Variants in ELFN2 observed in about 807,000 individuals in gnomAD.
The protein encoded by ELFN2 is extracellular leucine rich repeat and fibronectin type III domain containing 2.
ELFN2 carries 17 observed loss-of-function variants against 45.5 expected under a neutral mutation model. That is an observed-to-expected ratio of 0.37 (90% confidence interval 0.26 to 0.56). The LOEUF (loss-of-function observed/expected upper bound fraction) is 0.56, where lower values mean the gene tolerates loss of function less well. Ranked by LOEUF, ELFN2 falls within the 20% of genes least tolerant of loss-of-function variation. ELFN2 has a pLI of 0.77. For synonymous variants in ELFN2, 550 were observed against 551.5 expected (o/e 1.00, Z 0.04); for missense variants, 922 against 1,183.2 (o/e 0.78, Z 3.24).
intron 1 of ELFN2, chr22:37,352,090 G>A (rs1431706345): frequency 6.6e-6 from 1 of 151,078 alleles, no homozygotes; most frequent in Non-Finnish European, 1.5e-5. Context: ...CTCTGGAAGT[G>A]AAAGGTACAC....
intron 2 of ELFN2, among the ~76,000 whole-genome samples, chr22:37,386,576 A>C (rs1315179563): frequency 1.3e-5 from 2 of 152,126 alleles, no homozygotes; most frequent in Non-Finnish European, 2.9e-5. Flanking sequence ...TCTCCAGAGG[A>C]GGTGGGAGGG....
chr22:37,404,811 C>T (rs371685220), intron 2 of ELFN2, among the ~76,000 whole-genome samples: 1 of 152,320 alleles, frequency 6.6e-6, no homozygotes, highest in South Asian at 2.1e-4. Context: ...GAACCCAACA[C>T]CTCACCAGCT....
chr22:37,399,466 C>T (rs1237916260), intron 2 of ELFN2, among the ~76,000 whole-genome samples: 2 of 152,034 alleles, frequency 1.3e-5, no homozygotes, highest in East Asian at 3.9e-4. Context: ...GTTGATCAGA[C>T]CACGGAGACC....
chr22:37,375,446 T>C lies in ELFN2; in HGVS notation c.89A>G (p.Asp30Gly), dbSNP rs760497364. 1 of 1,613,058 alleles carries C rather than the reference T, an allele frequency of 6.2e-7. No homozygotes were observed. Among genetic ancestry groups the C allele is most frequent in the South Asian group, 1.1e-5 (1 of 90,898 alleles). The change falls in exon 3 of 3, where the codon GAC becomes GGC. Residue 30 changes from aspartate (D) to glycine (G), a missense_variant. Physicochemically the swap from Asp to Gly is moderately conservative, Grantham distance 94. This residue lies in a region of ELFN2 where 358 missense variants were observed against 540.4 expected (regional missense o/e 0.66). Coordinates refer to ENST00000402918, the MANE Select transcript of ELFN2 (RefSeq NM_052906.5). ...VRADCWLIEG[D>G]KGYVWLAICS... ...GATGGCCAGCCACACGTAGCCCTTG[T>C]CGCCCTCAATGAGCCAGCAGTCGGC...
At chr22:37,365,650 G>T (rs1931186311), downstream of ELFN2, among the ~76,000 whole-genome samples, 1 of 152,252 alleles carries the variant, frequency 6.6e-6, no homozygotes, top group African/African-American at 2.4e-5. Context: ...GCATGACACA[G>T]AACGTGCCAA....
In ELFN2 at chr22:37,374,185, G is replaced by C. The variant is rs1456905272; in HGVS notation, c.1350C>G (p.Gly450=). The change falls in exon 3 of 3, where the codon GGC becomes GGG. Residue 450 remains glycine (G), a synonymous_variant. Coordinates refer to ENST00000402918, the MANE Select transcript of ELFN2 (RefSeq NM_052906.5). ...GCTTCTGGGCGGCGTGCACAATGGAGCCGGCATCCACATCAGCCCCGTAGC... is the reference window on the plus strand; with the variant it reads ...GCTTCTGGGCGGCGTGCACAATGGACCCGGCATCCACATCAGCCCCGTAGC... The part of the protein sequence containing the change: ...EMRYGADVDA[G]SIVHAAQKLG... The C allele has an allele frequency of 1.2e-6, 2 of 1,613,362 alleles. No homozygotes were observed. Among genetic ancestry groups the C allele is most frequent in the Non-Finnish European group, 1.7e-6 (2 of 1,180,050 alleles).
chr22:37,341,286 T>C (rs1424444144), intron 2 of ELFN2, among the ~76,000 whole-genome samples: 1 of 152,162 alleles, frequency 6.6e-6, no homozygotes, highest in Non-Finnish European at 1.5e-5. Context: ...CCTCCCACTT[T>C]ACTGCTGTCC....
At chr22:37,396,408 A>C (rs908560909) in intron 2 of ELFN2, among the ~76,000 whole-genome samples, 3 of 152,068 alleles carry the variant, frequency 2.0e-5, no homozygotes, top group African/African-American at 7.2e-5. Context: ...GCAGAAGCCA[A>C]CTCTGTTAGC....
chr22:37,413,765 A>G (rs956914070), intron 2 of ELFN2, among the ~76,000 whole-genome samples: 4 of 152,214 alleles, frequency 2.6e-5, no homozygotes, highest in Non-Finnish European at 5.9e-5. Flanking sequence ...GCTAGCGAGC[A>G]TCTGGATTGA....
intron 1 of ELFN2, among the ~76,000 whole-genome samples, chr22:37,346,034 A>G (rs1315870998): frequency 6.6e-6 from 1 of 152,192 alleles, no homozygotes; most frequent in Non-Finnish European, 1.5e-5. Flanking sequence ...AACGCTCACT[A>G]ACCTCTCTGG....
Position 37,370,431 on chromosome 22 carries a change from G to T in ELFN2, c.*2641C>A, listed in dbSNP as rs73164599. On this transcript the variant is annotated 3_prime_UTR_variant, in exon 3 of 3. Transcript: ENST00000402918. ...GCAGTGTGACTGATCCTCCACCCCA[G>T]CTGGCCAGCCAATTCACCAGGCCCG... 0.029 allele frequency: 4,400 copies of T among 152,286 alleles called. 87 individuals carry two copies. The highest frequency in any genetic ancestry group is 0.077 in the Middle Eastern group (23 of 298). 9.4% of individuals were successfully genotyped at this position (152,286 alleles called of 1,614,324 possible).
rs146442443 is a variant in ELFN2, at chr22:37,382,953, T to C, written c.-462-6957A>G. On this transcript the variant is annotated intron_variant, in intron 2 of 2. Coordinates refer to ENST00000402918, the MANE Select transcript of ELFN2 (RefSeq NM_052906.5). Reference sequence around the variant, plus strand: ...TGTTCATGGGTGCCACCTTGCTCTCTGGAGCCACTAGGGACGAGGCCAGTA... The same window carrying C: ...TGTTCATGGGTGCCACCTTGCTCTCCGGAGCCACTAGGGACGAGGCCAGTA... Among the ~76,000 whole-genome samples, 451 of 152,354 alleles carry C rather than the reference T, an allele frequency of 3.0e-3. 4 individuals carry two copies. Among genetic ancestry groups the C allele is most frequent in the East Asian group, 0.014 (71 of 5,190 alleles).
At chr22:37,367,701 G>A (rs1931236773), downstream of ELFN2, among the ~76,000 whole-genome samples, 1 of 152,200 alleles carries the variant, frequency 6.6e-6, no homozygotes, top group African/African-American at 2.4e-5. Context: ...GGGAAGGGAG[G>A]TCATCAGGCC....
chr22:37,352,950 G>T (rs1359127745), intron 1 of ELFN2, among the ~76,000 whole-genome samples: 1 of 150,908 alleles, frequency 6.6e-6, no homozygotes, highest in Non-Finnish European at 1.5e-5. Context: ...TTAAGAGGAT[G>T]CTACAGTGAT....
intron 1 of ELFN2, chr22:37,352,408 G>C (rs1368178832): frequency 6.6e-6 from 1 of 150,636 alleles, no homozygotes; most frequent in Non-Finnish European, 1.5e-5. Context: ...ACACAGCAGG[G>C]GACCCCACCA....
intron 2 of ELFN2, among the ~76,000 whole-genome samples, chr22:37,410,889 C>T (rs1282536400): frequency 1.3e-5 from 2 of 152,190 alleles, no homozygotes; most frequent in Non-Finnish European, 2.9e-5. Context: ...CAGGGGCAGA[C>T]ACCCCCACAT....
intron 1 of ELFN2, chr22:37,420,422 C>T (rs1932801483): frequency 6.5e-6 from 1 of 153,022 alleles, no homozygotes. Context: ...CTTCTCTGCT[C>T]TCCGCCCTCT....
intron 2 of ELFN2, among the ~76,000 whole-genome samples, chr22:37,341,383 G>A (rs1282274272): frequency 1.3e-5 from 2 of 152,160 alleles, no homozygotes; most frequent in African/African-American, 2.4e-5. Context: ...TGTGGAGGAC[G>A]GAGCTAGGTG....
chr22:37,410,769 C>G (rs1364344577), intron 2 of ELFN2, among the ~76,000 whole-genome samples: 1 of 152,218 alleles, frequency 6.6e-6, no homozygotes, highest in Admixed American at 6.5e-5. Context: ...CGGAGCCCCA[C>G]GGCCAGCGGG....
Sources: gnomAD v4.1 joint callset for allele counts (sites outside exome capture counted in the v4.1 genomes callset) on GRCh38, gnomAD v4.1.1 for gene constraint, gnomAD v4.1.1 regional missense constraint, MANE v1.5 for transcripts, NCBI Gene and HGNC (gene_info 2026-07-23, HGNC 2026-07-21) for gene names.